The following RAB28 variants were observed in gnomAD, a reference collection of about 807,000 sequenced individuals.
RAB28 encodes ras-related protein Rab-28.
In RAB28, 24 loss-of-function variants were observed where a neutral mutation model predicts 31.7. The ratio of observed to expected loss-of-function variants is 0.76; its 90% CI spans 0.55 to 1.06. The LOEUF is 1.06. Among genes scored for constraint, RAB28 ranks in the 50% least tolerant of loss-of-function variants. The probability of loss-of-function intolerance (pLI) is 0.00; values close to 1 mark genes in which losing one functional copy is unlikely to be tolerated. For missense variants in RAB28, 254 were observed against 258.5 expected, an observed-to-expected ratio of 0.98 and a Z score of 0.12; for synonymous variants, 100 against 90.4, an observed-to-expected ratio of 1.11 and a Z score of -0.60.
chr4:13,460,002 T>G, intron 4 of RAB28: 1 of 834,752 alleles, frequency 1.2e-6, no homozygotes, highest in Non-Finnish European at 1.7e-6. Flanking sequence ...GGAGCAGTTA[T>G]AATAGACCAC....
At chr4:13,427,968 C>G (rs1176895529) in intron 4 of RAB28, among the ~76,000 whole-genome samples, 11 of 152,168 alleles carry the variant, frequency 7.2e-5, no homozygotes, top group Admixed American at 6.5e-4. Context: ...CAATTCCTGT[C>G]CCTTTTAAGG....
intron 4 of RAB28, among the ~76,000 whole-genome samples, chr4:13,437,996 A>G (rs1714215432): frequency 6.6e-6 from 1 of 152,212 alleles, no homozygotes. Flanking sequence ...AATAATCACC[A>G]TAGAATACTA....
intron 4 of RAB28, among the ~76,000 whole-genome samples, chr4:13,411,240 A>G (rs544128836): frequency 6.6e-6 from 1 of 152,312 alleles, no homozygotes; most frequent in South Asian, 2.1e-4. Context: ...CTATTGTTCA[A>G]ATGTCGGCAA....
At chr4:13,387,148 G>A in intron 4 of RAB28, among the ~76,000 whole-genome samples, 1 of 151,998 alleles carries the variant, frequency 6.6e-6, no homozygotes, top group East Asian at 1.9e-4. Context: ...ATAGGTACTA[G>A]GTGTAATACC....
rs188879343 is a variant in RAB28 at position 13,422,692 on chromosome 4, T to C, written c.391+38007A>G. ...GCATGTGCTCACTCATCGGTGGGAA[T>C]TGAACAATGAGAACACTTGGACACA... On this transcript the variant is annotated intron_variant, in intron 4 of 6. Coordinates refer to ENST00000330852, the MANE Select transcript of RAB28 (RefSeq NM_001017979.3). 8.6e-5 allele frequency among the ~76,000 whole-genome samples: 13 copies of C among 151,798 alleles called. 1 individual carries two copies. Among genetic ancestry groups the C allele is most frequent in the African/African-American group, 2.4e-4 (10 of 41,356 alleles).
At chr4:13,441,366 TAATTA>T (rs1025127027) in intron 4 of RAB28, among the ~76,000 whole-genome samples, 41 of 152,330 alleles carry the variant, frequency 2.7e-4, no homozygotes, top group African/African-American at 8.4e-4. Flanking sequence ...CTTTAAAAAG[TAATTA>T]AATACAGACC....
At chr4:13,429,021 T>G (rs1042023897) in intron 4 of RAB28, among the ~76,000 whole-genome samples, 1 of 150,898 alleles carries the variant, frequency 6.6e-6, no homozygotes, top group Non-Finnish European at 1.5e-5. Context: ...CTCAGCTCAC[T>G]GCAACCTCCA....
At chr4:13,387,966 G>T (rs9993832) in intron 4 of RAB28, among the ~76,000 whole-genome samples, 14,059 of 151,704 alleles carry the variant, frequency 0.093, 1,271 homozygotes, top group African/African-American at 0.24. Flanking sequence ...GAACTCCCAG[G>T]GTCAATTTTC....
intron 4 of RAB28, among the ~76,000 whole-genome samples, chr4:13,386,066 A>G (rs567225935): frequency 6.6e-6 from 1 of 152,316 alleles, no homozygotes; most frequent in East Asian, 1.9e-4. Flanking sequence ...CAATCAACAG[A>G]GTGAAGAAAT....
At position 13,408,327 on chromosome 4, in the gene RAB28, C is replaced by T. The variant is rs139083072; in HGVS notation, c.392-26733G>A. ...GATGGAATACATTTATTGATTTGCA[C>T]ATGTTGAACCACCCTTGCATCCCAA... On this transcript the variant is annotated intron_variant, in intron 4 of 6. Coordinates refer to ENST00000330852, the MANE Select transcript of RAB28 (RefSeq NM_001017979.3). Among the ~76,000 whole-genome samples the T allele has an allele frequency of 4.6e-3, 697 of 152,210 alleles. 6 individuals carry two copies. Among genetic ancestry groups the T allele is most frequent in the African/African-American group, 0.016 (664 of 41,542 alleles).
intron 6 of RAB28, chr4:13,371,245 T>G: frequency 1.0e-6 from 1 of 985,388 alleles, no homozygotes; most frequent in South Asian, 4.7e-5. Context: ...CTAGGCACTC[T>G]GCCTGATGCT....
rs1716768623 is a variant in RAB28 at position 13,484,281 on chromosome 4, G to C, written c.-131C>G. The C allele has an allele frequency of 7.1e-6, 5 of 700,950 alleles. No homozygotes were observed. The highest frequency in any genetic ancestry group is 1.3e-5 in the Non-Finnish European group (5 of 389,912). The allele number at this position is 700,950 out of a possible 1,614,324, so 43.4% of individuals were successfully genotyped here. A position where few individuals can be genotyped will look rare whatever the true frequency, so the allele number is the denominator to read the frequency against. ...CCGCCCCGGTGTCTCCGCGCCGGCA[G>C]GAGGTATTCGAGGAGAATCACTCGG... On this transcript the variant is annotated 5_prime_UTR_variant, in exon 1 of 7. Coordinates refer to ENST00000330852, the MANE Select transcript of RAB28 (RefSeq NM_001017979.3).
chr4:13,463,851 A>G (rs745737627), intron 3 of RAB28, among the ~76,000 whole-genome samples: 5 of 152,118 alleles, frequency 3.3e-5, no homozygotes, highest in Non-Finnish European at 7.4e-5. Context: ...TTAAAATATA[A>G]AAGGAATTAT....
At chr4:13,404,799 C>CT (rs1295503697) in intron 4 of RAB28, among the ~76,000 whole-genome samples, 3 of 151,974 alleles carry the variant, frequency 2.0e-5, no homozygotes, top group Admixed American at 6.6e-5. Context: ...CCAAAGAATA[C>CT]TTTTTTTACA....
At chr4:13,479,658 T>C (rs1716521417) in intron 1 of RAB28, 132 bp from the exon 2 acceptor site, 1 of 638,026 alleles carries the variant, frequency 1.6e-6, no homozygotes, top group Non-Finnish European at 2.6e-6. Context: ...GCAGTTCTAA[T>C]CAGTTACAAG....
chr4:13,422,920 T>A (rs1033872385), intron 4 of RAB28, among the ~76,000 whole-genome samples: 45 of 149,538 alleles, frequency 3.0e-4, no homozygotes, highest in Middle Eastern at 3.5e-3. Flanking sequence ...AAAAAAAAAA[T>A]AAAATGCCTA....
chr4:13,482,704 C>T (rs1225055239), intron 1 of RAB28, among the ~76,000 whole-genome samples: 7 of 152,134 alleles, frequency 4.6e-5, no homozygotes, highest in Non-Finnish European at 1.5e-5. Flanking sequence ...CTTCCCCCAA[C>T]GTTTAAAGGT....
chr4:13,368,607 A>G lies in RAB28; in HGVS notation c.617T>C (p.Met206Thr). The change falls in exon 7 of 7, where the codon ATG becomes ACG. Residue 206 changes from methionine to threonine, a missense_variant. Transcript: ENST00000330852. The stretch of plus-strand genomic sequence containing the variant: ...TCTAGGAGGGTTAACAGTCCTTGAC[A>G]TAGGTTCCTGGTTGTAGTTTACAAT... ...ADIVNYNQEP[M>T]SRTVNPPRSS... 6.2e-7 allele frequency: 1 copy of G among 1,612,570 alleles called. No homozygotes were observed. Among genetic ancestry groups the G allele is most frequent in the Non-Finnish European group, 8.5e-7 (1 of 1,179,120 alleles).
intron 3 of RAB28, among the ~76,000 whole-genome samples, chr4:13,468,634 A>G (rs997784942): frequency 6.6e-6 from 1 of 151,936 alleles, no homozygotes; most frequent in Non-Finnish European, 1.5e-5. Flanking sequence ...AAAATCAATA[A>G]TCTAAGCTTC....
Sources: gnomAD v4.1 joint callset for allele counts (sites outside exome capture counted in the v4.1 genomes callset) on GRCh38, gnomAD v4.1.1 for gene constraint, MANE v1.5 for transcripts, NCBI Gene and HGNC (gene_info 2026-07-23, HGNC 2026-07-21) for gene names.